The following PITPNC1 variants were observed in gnomAD, a reference collection of about 807,000 sequenced individuals.
PITPNC1 encodes cytoplasmic phosphatidylinositol transfer protein 1.
A neutral mutation model predicts 44.7 loss-of-function variants in PITPNC1; 18 were observed. The observed-to-expected ratio is 0.40, with a 90% confidence interval of 0.28 to 0.60. The LOEUF (loss-of-function observed/expected upper bound fraction) is 0.60. PITPNC1 is among the 20% of genes least tolerant of loss of function. The pLI, the probability that PITPNC1 is intolerant of heterozygous loss-of-function variation, is 0.39. For missense variants in PITPNC1, 290 were observed against 418.4 expected (o/e 0.69, Z 2.68); for synonymous variants, 141 against 149.6 (o/e 0.94, Z 0.42).
At chr17:67,503,952 T>C (rs2144074881) in intron 1 of PITPNC1, among the ~76,000 whole-genome samples, 1 of 152,302 alleles carries the variant, frequency 6.6e-6, no homozygotes, top group East Asian at 1.9e-4. Flanking sequence ...TTCCCTTATT[T>C]TGCAACCTTT....
rs2042969370 is a variant in PITPNC1 at position 67,693,848 on chromosome 17, G to C, written c.*960G>C. 6.6e-6 allele frequency: 1 copy of C among 152,200 alleles called. No individual in the cohort carries two copies. Among genetic ancestry groups the C allele is most frequent in the Non-Finnish European group, 1.5e-5 (1 of 68,032 alleles). The allele number at this position is 152,200 out of a possible 1,614,324, so 9.4% of individuals were successfully genotyped here. A position where few individuals can be genotyped will look rare whatever the true frequency, so the allele number is the denominator to read the frequency against. ...TGCATGAACTATAAAAAAGAGAACT[G>C]TCTCCCATCCCCTTCCTTGTTTTAC... On this transcript the variant is annotated 3_prime_UTR_variant, in exon 9 of 9. Coordinates refer to ENST00000581322, the MANE Select transcript of PITPNC1 (RefSeq NM_012417.4).
At chr17:67,560,560 T>G (rs1872283751) in intron 4 of PITPNC1, among the ~76,000 whole-genome samples, 1 of 152,178 alleles carries the variant, frequency 6.6e-6, no homozygotes, top group African/African-American at 2.4e-5. Context: ...ATGAACTGGT[T>G]GTATGGACGA....
At chr17:67,551,013 A>C (rs372135017) in intron 2 of PITPNC1, among the ~76,000 whole-genome samples, 2 of 152,220 alleles carry the variant, frequency 1.3e-5, no homozygotes, top group African/African-American at 4.8e-5. Context: ...GTGAGCCGAG[A>C]CTGCACCAGT....
intron 6 of PITPNC1, among the ~76,000 whole-genome samples, chr17:67,636,069 C>A (rs2042028133): frequency 6.6e-6 from 1 of 152,106 alleles, no homozygotes; most frequent in Admixed American, 6.5e-5. Context: ...GAGGCCGAGG[C>A]AGGTGAATCA....
At chr17:67,562,206 C>T (rs564935895) in intron 4 of PITPNC1, among the ~76,000 whole-genome samples, 38 of 152,288 alleles carry the variant, frequency 2.5e-4, no homozygotes, top group Non-Finnish European at 4.1e-4. Context: ...TGTCAGAGGA[C>T]GGGAAGAGGA....
chr17:67,478,920 T>C (rs2039666945), intron 1 of PITPNC1, among the ~76,000 whole-genome samples: 2 of 151,914 alleles, frequency 1.3e-5, no homozygotes, highest in African/African-American at 4.8e-5. Flanking sequence ...TATTTCTTTC[T>C]TCTCCAGCCT....
chr17:67,647,464 G>GTTTTTTTTTTTTT (rs60407940), intron 6 of PITPNC1, among the ~76,000 whole-genome samples: 15 of 72,358 alleles, frequency 2.1e-4, no homozygotes, highest in African/African-American at 5.8e-4. Flanking sequence ...CTAATTTTGG[G>GTTTTTTTTTTTTT]TTTTTTTTTT....
chr17:67,552,178 C>T (rs2144167790), intron 2 of PITPNC1, 79 bp from the exon 3 acceptor site: 8 of 782,972 alleles, frequency 1.0e-5, no homozygotes, highest in South Asian at 9.6e-5. Context: ...ATTTCTCCAG[C>T]ATTTTATCCA....
chr17:67,501,909 C>A (rs2040035580), intron 1 of PITPNC1, among the ~76,000 whole-genome samples: 1 of 152,066 alleles, frequency 6.6e-6, no homozygotes, highest in South Asian at 2.1e-4. Context: ...TTTTGGTCTT[C>A]TGCTTTGTCG....
intron 2 of PITPNC1, among the ~76,000 whole-genome samples, chr17:67,540,306 T>C (rs1242562738): frequency 1.3e-5 from 2 of 152,052 alleles, no homozygotes; most frequent in African/African-American, 4.8e-5. Flanking sequence ...TGTTTCACCA[T>C]GTTGGGCAGG....
At chr17:67,487,945 G>A (rs1461684969) in intron 1 of PITPNC1, among the ~76,000 whole-genome samples, 1 of 152,164 alleles carries the variant, frequency 6.6e-6, no homozygotes, top group Non-Finnish European at 1.5e-5. Context: ...ACTGATCAGA[G>A]AGAAGCTACG....
chr17:67,586,639 A>C (rs1425590574), intron 5 of PITPNC1, among the ~76,000 whole-genome samples: 1 of 152,088 alleles, frequency 6.6e-6, no homozygotes, highest in African/African-American at 2.4e-5. Flanking sequence ...GATTGTGCAC[A>C]GGGTTCTCAA....
At chr17:67,434,977 C>T (rs1277572188) in intron 1 of PITPNC1, among the ~76,000 whole-genome samples, 9 of 149,712 alleles carry the variant, frequency 6.0e-5, no homozygotes, top group Non-Finnish European at 1.2e-4. Flanking sequence ...GGCATGGTGG[C>T]GGGCACCTGT....
chr17:67,431,328 G>C (rs1381031851), intron 1 of PITPNC1, among the ~76,000 whole-genome samples: 1 of 151,912 alleles, frequency 6.6e-6, no homozygotes, highest in Non-Finnish European at 1.5e-5. Flanking sequence ...CAAAGTGCTG[G>C]GATTACAGAG....
At chr17:67,677,714 T>A (rs2042628195) in intron 8 of PITPNC1, among the ~76,000 whole-genome samples, 1 of 151,464 alleles carries the variant, frequency 6.6e-6, no homozygotes, top group Admixed American at 6.6e-5. Context: ...GATTACAGGC[T>A]CCCACCACCA....
intron 1 of PITPNC1, among the ~76,000 whole-genome samples, chr17:67,387,216 A>G (rs1459417963): frequency 1.3e-5 from 2 of 152,196 alleles, no homozygotes; most frequent in Admixed American, 1.3e-4. Flanking sequence ...GCAACTGACC[A>G]ACCTGCCTTT....
rs2040350873 is a variant in PITPNC1 at position 67,523,256 on chromosome 17, A to G, written c.49-9546A>G. On this transcript the variant is annotated intron_variant, in intron 1 of 8. Transcript: ENST00000581322. ...CTGACTACCGTCTAATGAAATTTTT[A>G]CATAAGGAAAAGATAGTTTTGAGCA... Among the ~76,000 whole-genome samples, 3 of 152,234 alleles carry G rather than the reference A, an allele frequency of 2.0e-5. 1 individual carries two copies. The South Asian group carries it at 6.2e-4, about 31-fold the overall frequency.
intron 6 of PITPNC1, among the ~76,000 whole-genome samples, chr17:67,658,918 A>C (rs11653631): frequency 0.091 from 13,794 of 152,200 alleles, 629 homozygotes; most frequent in Middle Eastern, 0.17. Context: ...ACGTGCAACT[A>C]TCAGAGGTAA....
At chr17:67,630,152 G>T (rs2041947750) in intron 5 of PITPNC1, among the ~76,000 whole-genome samples, 1 of 152,088 alleles carries the variant, frequency 6.6e-6, no homozygotes, top group African/African-American at 2.4e-5. Flanking sequence ...ACCAAGTTTG[G>T]GTTAGGACAG....
Sources: allele counts gnomAD v4.1 joint callset (sites outside exome capture counted in the v4.1 genomes callset), GRCh38; gene constraint gnomAD v4.1.1; transcripts MANE v1.5; gene names NCBI Gene and HGNC (gene_info 2026-07-23, HGNC 2026-07-21).